ATRX: variants seen among roughly 807,000 people sequenced by gnomAD.
The protein encoded by ATRX is chromatin remodeler ATRX.
ATRX carries 12 observed loss-of-function variants against 172.6 expected under a neutral mutation model. The ratio of observed to expected loss-of-function variants is 0.07; its 90% confidence interval spans 0.04 to 0.11. The LOEUF is 0.11. Among genes scored for constraint, ATRX ranks in the 10% least tolerant of loss-of-function variants. The pLI, the probability that ATRX is intolerant of heterozygous loss-of-function variation, is 1.00. For synonymous variants in ATRX, 674 were observed against 594.7 expected (o/e 1.13, Z -1.94); for missense variants, 1,368 against 1,767.4 (o/e 0.77, Z 4.05).
intron 28 of ATRX, among the ~76,000 whole-genome samples, chrX:77,560,297 C>T (rs1418423174): frequency 9.0e-6 from 1 of 111,192 alleles, no homozygotes; most frequent in Non-Finnish European, 1.9e-5. Flanking sequence ...AGTTCCACTC[C>T]CCAGAAACAA....
chrX:77,515,058 G>T (rs1448003290), intron 34 of ATRX, among the ~76,000 whole-genome samples: 1 of 111,844 alleles, frequency 8.9e-6, no homozygotes, highest in East Asian at 2.8e-4. Context: ...ACCACAATGA[G>T]ATACCTTACA....
chrX:77,704,191 G>A (rs370601198), intron 2 of ATRX, among the ~76,000 whole-genome samples: 7 of 110,618 alleles, frequency 6.3e-5, no homozygotes, highest in African/African-American at 9.9e-5. Flanking sequence ...TCGACCCATC[G>A]TCTCTGCAGC....
chrX:77,746,851 T>G (rs1394010496), intron 1 of ATRX, among the ~76,000 whole-genome samples: 1 of 110,381 alleles, frequency 9.1e-6, no homozygotes, highest in Non-Finnish European at 1.9e-5. Context: ...CAGGCTGGAG[T>G]TGCAGTGGCG....
intron 30 of ATRX, among the ~76,000 whole-genome samples, chrX:77,551,778 A>C (rs1348620832): frequency 9.8e-6 from 1 of 102,004 alleles, no homozygotes; most frequent in Non-Finnish European, 2.0e-5. Flanking sequence ...ACAAGAAAAC[A>C]AACAAACAAC....
intron 1 of ATRX, among the ~76,000 whole-genome samples, chrX:77,746,774 C>G (rs2075093108): frequency 8.9e-6 from 1 of 111,782 alleles, no homozygotes; most frequent in Non-Finnish European, 1.9e-5. Context: ...TTAAGAGACA[C>G]AATTTTCTAA....
intron 1 of ATRX, among the ~76,000 whole-genome samples, chrX:77,720,783 T>G (rs1238748992): frequency 1.8e-5 from 2 of 111,549 alleles, no homozygotes; most frequent in South Asian, 7.5e-4. Flanking sequence ...CTGAAACTAT[T>G]CCAAAAAATA....
chrX:77,611,717 AT>A (rs1365199792), intron 22 of ATRX, among the ~76,000 whole-genome samples: 2 of 110,971 alleles, frequency 1.8e-5, no homozygotes, highest in Non-Finnish European at 3.8e-5. Flanking sequence ...TTAAATAAAT[AT>A]TTTTAATTAA....
intron 15 of ATRX, among the ~76,000 whole-genome samples, chrX:77,642,654 A>C (rs1181106564): frequency 1.1e-4 from 12 of 110,283 alleles, no homozygotes; most frequent in Non-Finnish European, 2.3e-4. Context: ...GTCTCCAAAA[A>C]AAAAACAAAA....
At chrX:77,602,566 T>C (rs782697395) in intron 22 of ATRX, among the ~76,000 whole-genome samples, 1 of 110,169 alleles carries the variant, frequency 9.1e-6, no homozygotes, top group African/African-American at 3.3e-5. Flanking sequence ...TCTCTCTAAG[T>C]ATTACTTAAG....
chrX:77,582,896 T>TG (rs2065877545), intron 27 of ATRX, among the ~76,000 whole-genome samples: 1 of 111,912 alleles, frequency 8.9e-6, no homozygotes, highest in Admixed American at 9.5e-5. Context: ...ATAGCTTCAC[T>TG]GCTGAATTCT....
intron 28 of ATRX, among the ~76,000 whole-genome samples, chrX:77,561,368 T>C (rs1039776186): frequency 2.7e-5 from 3 of 110,991 alleles, no homozygotes; most frequent in South Asian, 3.8e-4. Context: ...AGAACTTCAA[T>C]ACGCAAGTCC....
intron 30 of ATRX, among the ~76,000 whole-genome samples, chrX:77,526,513 G>A (rs1026231528): frequency 9.0e-6 from 1 of 111,569 alleles, no homozygotes; most frequent in Non-Finnish European, 1.9e-5. Context: ...AAGCTGGCCA[G>A]GCTGGTCTCG....
intron 30 of ATRX, among the ~76,000 whole-genome samples, chrX:77,538,365 A>G (rs2063834840): frequency 9.0e-6 from 1 of 110,996 alleles, no homozygotes; most frequent in African/African-American, 3.3e-5. Flanking sequence ...AATAACTCAG[A>G]AATACAAAGT....
Position 77,779,359 on chromosome X carries a change from A to G in ATRX, c.20+6623T>C, listed in dbSNP as rs782029685. Among the ~76,000 whole-genome samples, 6 of 110,407 alleles carry G rather than the reference A, an allele frequency of 5.4e-5. No individual in the cohort carries two copies. The South Asian group carries it at 2.3e-3, about 42-fold the overall frequency. ...CAGCATTTATCACTTTATATCTTGC[A>G]CCAAAACTAATCGTGTACATGTCTT... is the stretch of plus-strand genomic sequence containing the variant. On this transcript the variant is annotated intron_variant, in intron 1 of 34. Transcript: ENST00000373344.
intron 31 of ATRX, 88 bp downstream of exon 31, chrX:77,523,164 A>T (rs1431862128): frequency 5.9e-5 from 62 of 1,059,638 alleles, no homozygotes; most frequent in Non-Finnish European, 8.1e-5. Flanking sequence ...TATTATTATT[A>T]CCTGTTTCAA....
At position 77,683,923 on chromosome X, in the gene ATRX, T is replaced by C; in HGVS notation, c.1333A>G (p.Lys445Glu). 8.3e-7 allele frequency: 1 copy of C among 1,210,120 alleles called. No individual in the cohort carries two copies. Among genetic ancestry groups the C allele is most frequent in the East Asian group, 3.0e-5 (1 of 33,849 alleles). Residue 445 changes from lysine (K) to glutamate (E), a missense_variant, in exon 9 of 35, where the codon AAA (lysine) becomes GAA (glutamate). Coordinates refer to ENST00000373344, the MANE Select transcript of ATRX (RefSeq NM_000489.6). ...TCCAAAGCACAAGGTTTTTCTCCTT[T>C]TCGTGCTTTTGTTTCAAACTTAGCA... The part of the protein sequence containing the change: ...IDAKFETKAR[K>E]GEKPCALEKK...
chrX:77,600,933 CAA>C (rs1343297118), intron 22 of ATRX, among the ~76,000 whole-genome samples: 1 of 111,483 alleles, frequency 9.0e-6, no homozygotes, highest in African/African-American at 3.3e-5. Context: ...CTATTGGTAA[CAA>C]AGTCATGGTT....
At chrX:77,594,748 C>T (rs2066412648) in intron 25 of ATRX, 1 of 111,296 alleles carries the variant, frequency 9.0e-6, no homozygotes, top group African/African-American at 3.3e-5. Context: ...GTAACTAAAC[C>T]CCTAAATTAT....
chrX:77,558,747 A>C lies in ATRX; in HGVS notation c.6426T>G (p.Ser2142=). The change falls in exon 29 of 35, where the codon TCT becomes TCG. Residue 2142 remains serine, a synonymous_variant. Transcript: ENST00000373344. ...VIIFDASWNP[S]YDIQSIFRVY... ...CTCTGAATATACTCTGGATGTCATAAGATGGATTCCAAGAAGCGTCGAATA... is the reference window on the plus strand; with the variant it reads ...CTCTGAATATACTCTGGATGTCATACGATGGATTCCAAGAAGCGTCGAATA... 1 of 1,201,971 alleles carries C rather than the reference A, an allele frequency of 8.3e-7. No individual in the cohort carries two copies. The highest frequency in any genetic ancestry group is 3.0e-5 in the East Asian group (1 of 33,706).
Sources: allele counts gnomAD v4.1 joint callset (sites outside exome capture counted in the v4.1 genomes callset), GRCh38; gene constraint gnomAD v4.1.1; transcripts MANE v1.5; gene names NCBI Gene and HGNC (gene_info 2026-07-23, HGNC 2026-07-21).